The following ATG10 variants were observed in gnomAD, a reference collection of about 807,000 sequenced individuals.
ATG10 encodes ubiquitin-like-conjugating enzyme ATG10.
In ATG10, 30 loss-of-function variants were observed where a neutral mutation model predicts 32.1. The observed-to-expected ratio is 0.94, with a 90% CI of 0.70 to 1.27. The LOEUF (loss-of-function observed/expected upper bound fraction) is 1.27. ATG10 is among the 50% of genes most tolerant of loss of function. The pLI is 0.00. For missense variants in ATG10, 233 were observed against 262.3 expected (o/e 0.89, Z 0.77); for synonymous variants, 87 against 91.5 (o/e 0.95, Z 0.28).
At chr5:82,069,643 G>A (rs1244694135) in intron 3 of ATG10, among the ~76,000 whole-genome samples, 1 of 152,032 alleles carries the variant, frequency 6.6e-6, no homozygotes, top group Non-Finnish European at 1.5e-5. Flanking sequence ...ATTTTTCTGG[G>A]TTAGAACTAT....
chr5:81,977,521 AAAGTTGGGAACCATTAGAC>A (rs1561234675), intron 1 of ATG10, among the ~76,000 whole-genome samples: 1 of 152,214 alleles, frequency 6.6e-6, no homozygotes, highest in Non-Finnish European at 1.5e-5. Flanking sequence ...GGTTCCCCAT[AAAGTTGGGAACCATTAGAC>A]CTTATTTGCC....
chr5:82,165,346 G>C lies in ATG10; in HGVS notation c.355+809G>C, dbSNP rs186989614. On this transcript the variant is annotated intron_variant, in intron 4 of 7. Coordinates refer to ENST00000282185, the MANE Select transcript of ATG10 (RefSeq NM_031482.5). Reference sequence around the variant, plus strand: ...TGAACAGCCTTCTGACTTTTTTCTGGATAGCTAAGACATCTGAATTTAGCC... The same window carrying C: ...TGAACAGCCTTCTGACTTTTTTCTGCATAGCTAAGACATCTGAATTTAGCC... Among the ~76,000 whole-genome samples the C allele has an allele frequency of 2.1e-3, 320 of 152,290 alleles. 1 individual carries two copies. The highest frequency in any genetic ancestry group is 1.8e-3 in the Non-Finnish European group (120 of 68,038).
intron 5 of ATG10, among the ~76,000 whole-genome samples, chr5:82,206,564 C>T (rs868658827): frequency 1.3e-5 from 2 of 151,704 alleles, no homozygotes; most frequent in Middle Eastern, 3.4e-3. Flanking sequence ...GCAGGAGAAT[C>T]ACTTGAACCT....
intron 3 of ATG10, among the ~76,000 whole-genome samples, chr5:82,100,732 T>C (rs149058791): frequency 6.6e-6 from 1 of 151,382 alleles, no homozygotes; most frequent in Admixed American, 6.6e-5. Context: ...GAAAGTCTGG[T>C]GTAACAGCAC....
chr5:82,102,323 T>G (rs1302573830), intron 3 of ATG10, among the ~76,000 whole-genome samples: 7 of 152,158 alleles, frequency 4.6e-5, no homozygotes, highest in Admixed American at 4.6e-4. Flanking sequence ...TTAAGAGATC[T>G]AGACATATTA....
chr5:82,061,418 T>C (rs1003607482), intron 3 of ATG10, among the ~76,000 whole-genome samples: 1 of 152,064 alleles, frequency 6.6e-6, no homozygotes, highest in Admixed American at 6.6e-5. Context: ...TAAAAGTATA[T>C]GTCCTTTATC....
chr5:82,066,724 T>A (rs1222335578), intron 3 of ATG10, among the ~76,000 whole-genome samples: 1 of 152,132 alleles, frequency 6.6e-6, no homozygotes, highest in Non-Finnish European at 1.5e-5. Flanking sequence ...TGAAATACAC[T>A]CATTTGCCCT....
rs115003002 is a variant in ATG10, at chr5:82,130,393, A to G, written c.217-34006A>G. 3.3e-3 allele frequency among the ~76,000 whole-genome samples: 504 copies of G among 151,094 alleles called. 1 individual carries two copies. The highest frequency in any genetic ancestry group is 0.012 in the African/African-American group (480 of 41,232). On this transcript the variant is annotated intron_variant, in intron 3 of 7. Transcript: ENST00000282185. Reference sequence around the variant, plus strand: ...GCGTTCCAGGTGCCACTTGGGTATTAAAAAAAAAGCCCTGCAGCTAGCTCA... The same window carrying G: ...GCGTTCCAGGTGCCACTTGGGTATTGAAAAAAAAGCCCTGCAGCTAGCTCA...
intron 2 of ATG10, among the ~76,000 whole-genome samples, chr5:82,054,449 G>A (rs890209041): frequency 6.6e-5 from 10 of 152,168 alleles, no homozygotes; most frequent in East Asian, 1.9e-4. Context: ...AGTGGCTTGA[G>A]TTTGTTACTT....
chr5:82,165,514 C>G (rs956320482), intron 4 of ATG10, among the ~76,000 whole-genome samples: 1 of 152,136 alleles, frequency 6.6e-6, no homozygotes, highest in Non-Finnish European at 1.5e-5. Context: ...ATTTAAAACA[C>G]AAGAAGAAAT....
At chr5:82,183,903 C>T (rs1371812278) in intron 5 of ATG10, among the ~76,000 whole-genome samples, 1 of 152,124 alleles carries the variant, frequency 6.6e-6, no homozygotes, top group Non-Finnish European at 1.5e-5. Flanking sequence ...TAGTGGTTAT[C>T]TTTATTGATG....
chr5:82,079,995 A>C (rs918429901), intron 3 of ATG10, among the ~76,000 whole-genome samples: 1 of 152,160 alleles, frequency 6.6e-6, no homozygotes, highest in African/African-American at 2.4e-5. Context: ...GTGTAAAAGC[A>C]TTCCTAATTC....
At chr5:81,984,838 CAAT>C (rs1761206507) in intron 1 of ATG10, among the ~76,000 whole-genome samples, 1 of 152,104 alleles carries the variant, frequency 6.6e-6, no homozygotes, top group Non-Finnish European at 1.5e-5. Context: ...ATCAAAAAAA[CAAT>C]AATTATTCCA....
At chr5:82,118,400 A>ATATATATATATATATATATATATAT (rs371581160) in intron 3 of ATG10, among the ~76,000 whole-genome samples, 1,466 of 115,678 alleles carry the variant, frequency 0.013, 73 homozygotes, top group Non-Finnish European at 0.021. Context: ...ATATATATAT[A>ATATATATATATATATATATATATAT]TATATGTATG....
intron 2 of ATG10, among the ~76,000 whole-genome samples, chr5:82,014,966 C>T (rs1297194754): frequency 5.3e-5 from 8 of 152,132 alleles, no homozygotes; most frequent in Non-Finnish European, 1.0e-4. Context: ...CAGCTGGTAC[C>T]GGTTGTTCCT....
intron 3 of ATG10, among the ~76,000 whole-genome samples, chr5:82,071,645 G>C (rs549141780): frequency 1.9e-4 from 29 of 152,232 alleles, no homozygotes; most frequent in African/African-American, 7.0e-4. Flanking sequence ...ATGGTGATAC[G>C]TGTAGAGGGT....
At chr5:82,058,247 A>G (rs1464193386) in intron 2 of ATG10, among the ~76,000 whole-genome samples, 1 of 152,178 alleles carries the variant, frequency 6.6e-6, no homozygotes, top group Non-Finnish European at 1.5e-5. Flanking sequence ...TCAGGAAAAA[A>G]GGGAAAGGTT....
chr5:82,135,019 T>A (rs1203374321), intron 3 of ATG10, among the ~76,000 whole-genome samples: 2 of 150,832 alleles, frequency 1.3e-5, no homozygotes, highest in Non-Finnish European at 2.9e-5. Flanking sequence ...CATAGAGGTG[T>A]TTATAGTATT....
At chr5:81,998,373 G>C (rs777155354) in intron 2 of ATG10, among the ~76,000 whole-genome samples, 11 of 152,166 alleles carry the variant, frequency 7.2e-5, no homozygotes, top group Non-Finnish European at 1.5e-4. Flanking sequence ...TGCATTACAA[G>C]AGGTGCTGAG....
Sources: gnomAD v4.1 joint callset for allele counts (sites outside exome capture counted in the v4.1 genomes callset) on GRCh38, gnomAD v4.1.1 for gene constraint, MANE v1.5 for transcripts, NCBI Gene and HGNC (gene_info 2026-07-23, HGNC 2026-07-21) for gene names.